The following TUSC3 variants were observed in gnomAD, a reference collection of about 807,000 sequenced individuals.
TUSC3 encodes the protein dolichyl-diphosphooligosaccharide--protein glycosyltransferase subunit TUSC3.
In TUSC3, 45 loss-of-function variants were observed where a neutral mutation model predicts 44.8. That is an observed-to-expected ratio of 1.00 (90% CI 0.79 to 1.29). TUSC3 has a LOEUF of 1.29. TUSC3 is among the 50% of genes most tolerant of loss of function. The pLI is 0.00. For missense variants in TUSC3, 519 were observed against 437.9 expected (o/e 1.19, Z -1.65); for synonymous variants, 212 against 152.9 (o/e 1.39, Z -2.85).
chr8:15,758,513 G>A (rs886250769), intron 10 of TUSC3, among the ~76,000 whole-genome samples: 13 of 151,946 alleles, frequency 8.6e-5, no homozygotes, highest in African/African-American at 3.1e-4. Context: ...AGAGAACACA[G>A]GGTCTAGGCT....
rs1158868742 is a variant in TUSC3, at chr8:15,650,774, G to T, written c.386G>T (p.Ser129Ile). Residue 129 changes from serine to isoleucine, a missense_variant, in exon 3 of 11, where the codon AGT (serine) becomes ATT (isoleucine). Transcript: ENST00000503731. ...GCTTTTTGTAACAAGCTCTTCTTCA[G>T]TATGGTGGACTATGATGAGGGGACA... ...SSAFCNKLFF[S>I]MVDYDEGTDV... 1 of 1,614,150 alleles carries T rather than the reference G, an allele frequency of 6.2e-7. No individual in the cohort carries two copies. The highest frequency in any genetic ancestry group is 1.1e-5 in the South Asian group (1 of 91,084).
At chr8:15,790,026 A>G in the TUSC3 span, among the ~76,000 whole-genome samples, 1 of 152,130 alleles carries the variant, frequency 6.6e-6, no homozygotes, top group African/African-American at 2.4e-5. Flanking sequence ...CCAGAGCCAG[A>G]AGCATGTGGG....
chr8:15,573,678 C>CT (rs1481697680), intron 1 of TUSC3, among the ~76,000 whole-genome samples: 1 of 151,978 alleles, frequency 6.6e-6, no homozygotes, highest in Non-Finnish European at 1.5e-5. Context: ...TAGCAAACCT[C>CT]TAATTTTGCC....
At chr8:15,510,303 C>A (rs1801116200) in intron 2 of TUSC3, among the ~76,000 whole-genome samples, 1 of 151,844 alleles carries the variant, frequency 6.6e-6, no homozygotes, top group African/African-American at 2.4e-5. Flanking sequence ...TTGGTAAAAC[C>A]AGAAGCTGGT....
chr8:15,833,295 A>G, the TUSC3 span, among the ~76,000 whole-genome samples: 13 of 152,140 alleles, frequency 8.5e-5, no homozygotes, highest in African/African-American at 2.4e-4. Context: ...GTGGAAAACA[A>G]TGTGGCAATT....
chr8:15,478,099 G>T (rs1441278975), intron 1 of TUSC3, among the ~76,000 whole-genome samples: 1 of 151,896 alleles, frequency 6.6e-6, no homozygotes, highest in Non-Finnish European at 1.5e-5. Context: ...CTGGATTACA[G>T]ACATGCACCA....
chr8:15,578,671 G>T (rs1803206547), intron 1 of TUSC3, among the ~76,000 whole-genome samples: 2 of 151,918 alleles, frequency 1.3e-5, no homozygotes, highest in Admixed American at 6.6e-5. Flanking sequence ...AAGCCCACTT[G>T]ATCATGGTGG....
At chr8:15,658,699 C>T (rs1453029205) in intron 3 of TUSC3, among the ~76,000 whole-genome samples, 1 of 150,458 alleles carries the variant, frequency 6.6e-6, no homozygotes, top group Middle Eastern at 3.5e-3. Context: ...TATACACATA[C>T]AATATATATA....
chr8:15,805,400 G>T, the TUSC3 span, among the ~76,000 whole-genome samples: 1 of 152,090 alleles, frequency 6.6e-6, no homozygotes, highest in Admixed American at 6.6e-5. Flanking sequence ...GGGCATCTTT[G>T]TCTTGCTGTA....
At chr8:15,594,738 A>G (rs898548723) in intron 1 of TUSC3, among the ~76,000 whole-genome samples, 2 of 152,130 alleles carry the variant, frequency 1.3e-5, no homozygotes. Context: ...TACTCTTATG[A>G]ATCAGGTTCG....
intron 1 of TUSC3, among the ~76,000 whole-genome samples, chr8:15,603,542 C>T (rs1804385264): frequency 6.6e-6 from 1 of 151,066 alleles, no homozygotes; most frequent in Non-Finnish European, 1.5e-5. Flanking sequence ...TTTTTAAGTA[C>T]AATATATAGG....
At chr8:15,624,133 AGTTGTTAT>A (rs1259400282) in intron 2 of TUSC3, among the ~76,000 whole-genome samples, 1 of 152,194 alleles carries the variant, frequency 6.6e-6, no homozygotes, top group Non-Finnish European at 1.5e-5. Context: ...AATACGTCCA[AGTTGTTAT>A]ATTTATCAAT....
intron 7 of TUSC3, among the ~76,000 whole-genome samples, chr8:15,735,630 G>T (rs188029794): frequency 6.6e-6 from 1 of 152,268 alleles, no homozygotes; most frequent in Admixed American, 6.5e-5. Context: ...ATTATATATT[G>T]TGTTTATTTG....
chr8:15,440,507 C>T (rs569317761), intron 1 of TUSC3, among the ~76,000 whole-genome samples: 3 of 152,170 alleles, frequency 2.0e-5, no homozygotes, highest in South Asian at 2.1e-4. Context: ...ACTGATGTTG[C>T]CGTGTGAAGG....
At chr8:15,633,875 C>T (rs572762795) in intron 2 of TUSC3, among the ~76,000 whole-genome samples, 1 of 152,122 alleles carries the variant, frequency 6.6e-6, no homozygotes, top group South Asian at 2.1e-4. Flanking sequence ...TTATGGCCAC[C>T]CAGAGAAACT....
chr8:15,592,849 GA>G (rs1803908899), intron 1 of TUSC3, among the ~76,000 whole-genome samples: 1 of 152,000 alleles, frequency 6.6e-6, no homozygotes, highest in Non-Finnish European at 1.5e-5. Context: ...TAAAGATGAG[GA>G]AAACGAGGCA....
chr8:15,678,586 C>A (rs12675600), intron 6 of TUSC3, among the ~76,000 whole-genome samples: 2 of 151,946 alleles, frequency 1.3e-5, no homozygotes, highest in South Asian at 4.1e-4. Flanking sequence ...GAAAAATGTA[C>A]GCATATTTAA....
intron 2 of TUSC3, among the ~76,000 whole-genome samples, chr8:15,643,014 C>G (rs908151023): frequency 6.6e-6 from 1 of 152,090 alleles, no homozygotes. Context: ...TTGAATTGTT[C>G]CCATAATCCC....
chr8:15,706,464 C>T lies in TUSC3; in HGVS notation c.799-24202C>T, dbSNP rs1809619261. ...TTAAGTAAGCCAATTAAGAAAGAAC[C>T]CTTCAAACTTTTCACATGACTTTGC... On this transcript the variant is annotated intron_variant, in intron 6 of 10. Coordinates refer to ENST00000503731, the MANE Select transcript of TUSC3 (RefSeq NM_006765.4). Among the ~76,000 whole-genome samples, 5 of 151,872 alleles carry T rather than the reference C, an allele frequency of 3.3e-5. No homozygotes were observed. In the East Asian group the frequency reaches 7.7e-4, roughly 24 times the overall value.
Sources: gnomAD v4.1 joint callset for allele counts (sites outside exome capture counted in the v4.1 genomes callset) on GRCh38, gnomAD v4.1.1 for gene constraint, MANE v1.5 for transcripts, NCBI Gene and HGNC (gene_info 2026-07-23, HGNC 2026-07-21) for gene names.